NUP88: variants seen among roughly 807,000 people sequenced by gnomAD.
The protein encoded by NUP88 is nuclear pore complex protein Nup88.
NUP88 carries 57 observed loss-of-function variants against 93.9 expected under a neutral mutation model. The observed-to-expected ratio is 0.61, with a 90% CI of 0.49 to 0.76. The LOEUF is 0.76. Among genes scored for constraint, NUP88 ranks in the 30% least tolerant of loss-of-function variants. The pLI is 0.00. For missense variants in NUP88, 911 were observed against 901.0 expected (o/e 1.01, Z -0.14); for synonymous variants, 346 against 336.8 (o/e 1.03, Z -0.30).
At chr17:5,400,873 G>C (rs949600023) in intron 7 of NUP88, among the ~76,000 whole-genome samples, 1 of 151,962 alleles carries the variant, frequency 6.6e-6, no homozygotes, top group Admixed American at 6.6e-5. Flanking sequence ...TTTCAGTTTT[G>C]GATGCTCTTT....
Position 5,408,863 on chromosome 17 carries a change from A to G in NUP88, c.727T>C (p.Phe243Leu). ...TTTGGGACTGCTGCCAATGGCCCAA[A>G]GTCAAATGCAACTGCTGTCTCTCCT... is the stretch of plus-strand genomic sequence containing the variant. ...SLGETAVAFD[F>L]GPLAAVPKTL... is the part of the protein sequence containing the mutation. The change falls in exon 5 of 17, where the codon TTT becomes CTT. Residue 243 changes from phenylalanine to leucine, a missense_variant. Physicochemically the swap from Phe to Leu is conservative, Grantham distance 22. Transcript: ENST00000573584. 1 of 1,613,874 alleles carries G rather than the reference A, an allele frequency of 6.2e-7. No homozygotes were observed. The highest frequency in any genetic ancestry group is 8.5e-7 in the Non-Finnish European group (1 of 1,179,926).
chr17:5,394,871 AAGGG>A lies in NUP88; in HGVS notation c.1382+16_1382+19del. On this transcript the variant is annotated intron_variant, in intron 9 of 16. Coordinates refer to ENST00000573584, the MANE Select transcript of NUP88 (RefSeq NM_002532.6). Reference sequence around the variant, plus strand: ...AATGAACAATTGTTTTCTGATATACAAGGGAGGGAGAGTCCTTACCTGCAGGGCA... The same window carrying A: ...AATGAACAATTGTTTTCTGATATACAAGGGAGAGTCCTTACCTGCAGGGCA... 6.6e-7 allele frequency: 1 copy of A among 1,522,868 alleles called. No homozygotes were observed. The highest frequency in any genetic ancestry group is 1.1e-5 in the South Asian group (1 of 89,004). The allele number at this position is 1,522,868 out of a possible 1,614,324, so 94.3% of individuals were successfully genotyped here.
In NUP88 at chr17:5,404,200, T is replaced by C. The variant is rs2151642276; in HGVS notation, c.1091A>G (p.Tyr364Cys). The C allele has an allele frequency of 1.2e-6, 2 of 1,613,976 alleles. No individual in the cohort carries two copies. The highest frequency in any genetic ancestry group is 1.7e-6 in the Non-Finnish European group (2 of 1,179,910). The stretch of plus-strand genomic sequence containing the variant: ...CTCCAACTCAACACATTCAAACACA[T>C]ACAGAGAAGGAATGAGGTCAATCCT... Reference protein sequence around the residue: ...DSRIDLIPSLYVFECVELELA... With the variant: ...DSRIDLIPSLCVFECVELELA... The change falls in exon 7 of 17, where the codon TAT becomes TGT. Residue 364 changes from tyrosine to cysteine, a missense_variant. Transcript: ENST00000573584.
chr17:5,387,198 T>C, intron 14 of NUP88, 88 bp from the exon 15 acceptor site: 1 of 1,496,150 alleles, frequency 6.7e-7, no homozygotes. Context: ...ATGAATCTGG[T>C]GTTTCTGAAG....
rs144891825 is a variant in NUP88 at position 5,393,367 on chromosome 17, A to T, written c.1382+1524T>A. Among the ~76,000 whole-genome samples, 8 of 151,096 alleles carry T rather than the reference A, an allele frequency of 5.3e-5. No individual in the cohort carries two copies. The East Asian group carries it at 1.6e-3, about 30-fold the overall frequency. On this transcript the variant is annotated intron_variant, in intron 9 of 16. Transcript: ENST00000573584. ...CTGCCTCACCTGACAAAGTGCTGGG[A>T]TTATAGGTGTAAGCCACCATGCCCA...
intron 8 of NUP88, among the ~76,000 whole-genome samples, chr17:5,395,717 G>A (rs1213349050): frequency 6.6e-6 from 1 of 151,684 alleles, no homozygotes; most frequent in Non-Finnish European, 1.5e-5. Context: ...AGGGTTTCAC[G>A]GTATTGGCCA....
intron 1 of NUP88, 67 bp downstream of exon 1, chr17:5,419,287 A>G (rs2151652687): frequency 6.8e-7 from 1 of 1,468,584 alleles, no homozygotes; most frequent in Non-Finnish European, 9.1e-7. Flanking sequence ...AGCCAAGAGG[A>G]GCAAGGAACA....
intron 8 of NUP88, among the ~76,000 whole-genome samples, chr17:5,399,223 C>T (rs1912993960): frequency 7.1e-6 from 1 of 140,220 alleles, no homozygotes; most frequent in Admixed American, 7.4e-5. Context: ...AGCAAATTAT[C>T]CCAGACCCTG....
At chr17:5,417,201 A>T (rs1914202079) in intron 1 of NUP88, among the ~76,000 whole-genome samples, 1 of 152,172 alleles carries the variant, frequency 6.6e-6, no homozygotes, top group African/African-American at 2.4e-5. Context: ...CCCATCTCTA[A>T]GGTTTTGAGA....
At chr17:5,399,705 T>G (rs1250826729) in intron 7 of NUP88, 55 bp from the exon 8 acceptor site, 1 of 933,158 alleles carries the variant, frequency 1.1e-6, no homozygotes, top group Non-Finnish European at 1.7e-6. Context: ...CTAAAAAAAT[T>G]TACCTCAAAT....
chr17:5,405,224 G>C lies in NUP88; in HGVS notation c.877C>G (p.Leu293Val). ...LLHSPGNIGK[L>V]LGPLPMHPAA... ...GGATGCATGGGCAATGGACCCAACA[G>C]CTTTCCAATATTTCCAGGGCTAAAG... The change falls in exon 6 of 17, where the codon CTG becomes GTG. Residue 293 changes from leucine to valine, a missense_variant. Physicochemically the swap from Leu to Val is conservative, Grantham distance 32. Coordinates refer to ENST00000573584, the MANE Select transcript of NUP88 (RefSeq NM_002532.6). 1 of 1,613,468 alleles carries C rather than the reference G, an allele frequency of 6.2e-7. No homozygotes were observed. Among genetic ancestry groups the C allele is most frequent in the African/African-American group, 1.3e-5 (1 of 75,024 alleles).
At chr17:5,408,635 C>A in intron 5 of NUP88, 98 bp downstream of exon 5, 1 of 900,884 alleles carries the variant, frequency 1.1e-6, no homozygotes, top group East Asian at 2.6e-5. Flanking sequence ...GCAACATTTC[C>A]ACAGACTCAA....
intron 5 of NUP88, among the ~76,000 whole-genome samples, chr17:5,406,402 C>G (rs1282039038): frequency 6.6e-6 from 1 of 152,156 alleles, no homozygotes; most frequent in African/African-American, 2.4e-5. Context: ...AGACAGACAT[C>G]CAGGACTGGC....
rs1912678116 is a variant in NUP88, at chr17:5,394,948, G to C, written c.1325C>G (p.Ser442Cys). Residue 442 changes from serine (S) to cysteine (C), a missense_variant, in exon 9 of 17, where the codon TCT becomes TGT. By Grantham distance (112) the Ser-to-Cys change is moderately radical. Transcript: ENST00000573584. ...EEDKDSLQEL[S>C]TEQKCFVEHI... ...TTCAACAAAGCATTTCTGTTCTGTA[G>C]AGAGTTCCTGTAAACTATCCTTATC... 6.2e-7 allele frequency: 1 copy of C among 1,613,048 alleles called. No individual in the cohort carries two copies. The highest frequency in any genetic ancestry group is 8.5e-7 in the Non-Finnish European group (1 of 1,178,976).
intron 5 of NUP88, among the ~76,000 whole-genome samples, chr17:5,406,379 C>T (rs1042167669): frequency 9.2e-5 from 14 of 152,166 alleles, no homozygotes; most frequent in Non-Finnish European, 1.5e-4. Flanking sequence ...TGGAAGGCAA[C>T]GGCAAAATAG....
intron 11 of NUP88, 97 bp downstream of exon 11, chr17:5,388,705 A>G: frequency 1.8e-6 from 2 of 1,126,840 alleles, no homozygotes; most frequent in Admixed American, 2.6e-5. Flanking sequence ...ATCACAGTAA[A>G]AAGTATATGA....
Position 5,408,734 on chromosome 17 carries a change from T to C in NUP88, c.856A>G (p.Ser286Gly), listed in dbSNP as rs777768294. 2 of 1,590,488 alleles carry C rather than the reference T, an allele frequency of 1.3e-6. No individual in the cohort carries two copies. The highest frequency in any genetic ancestry group is 1.8e-5 in the Admixed American group (1 of 55,232). ...AGGTGGGTGACCACCTCAACTTACC[T>C]GTGTAACAGACTGATGTATGTCAGG... is the stretch of plus-strand genomic sequence containing the variant. ...TFLTYISLLH[S>G]PGNIGKLLGP... The change falls in exon 5 of 17, where the codon AGC becomes GGC. Residue 286 changes from serine to glycine, a missense_variant and splice_region_variant. By Grantham distance (56) the Ser-to-Gly change is moderately conservative. Coordinates refer to ENST00000573584, the MANE Select transcript of NUP88 (RefSeq NM_002532.6).
At chr17:5,401,513 T>C (rs1913166223) in intron 7 of NUP88, among the ~76,000 whole-genome samples, 3 of 152,234 alleles carry the variant, frequency 2.0e-5, no homozygotes, top group Admixed American at 6.5e-5. Context: ...AATCTAACAG[T>C]CTCACTTTGT....
chr17:5,411,753 T>C (rs1465593062), intron 3 of NUP88, among the ~76,000 whole-genome samples: 1 of 152,200 alleles, frequency 6.6e-6, no homozygotes, highest in Non-Finnish European at 1.5e-5. Flanking sequence ...GCCAGTAATG[T>C]CATTTTAGAA....
Sources: gnomAD v4.1 joint callset for allele counts (sites outside exome capture counted in the v4.1 genomes callset) on GRCh38, gnomAD v4.1.1 for gene constraint, MANE v1.5 for transcripts, NCBI Gene and HGNC (gene_info 2026-07-23, HGNC 2026-07-21) for gene names.